The following RYR2 variants were observed in gnomAD, a reference collection of about 807,000 sequenced individuals.
The protein encoded by RYR2 is cardiac muscle ryanodine receptor-calcium release channel.
In RYR2, 227 loss-of-function variants were observed where a neutral mutation model predicts 601.1. The ratio of observed to expected loss-of-function variants is 0.38; its 90% CI spans 0.34 to 0.42. RYR2 has a LOEUF of 0.42. Ranked by LOEUF, RYR2 falls within the 10% of genes least tolerant of loss-of-function variation. RYR2 has a pLI of 1.00. For missense variants in RYR2, 4,646 were observed against 6,156.5 expected, an observed-to-expected ratio of 0.75 and a Z score of 8.21; for synonymous variants, 2,223 against 2,175.1, an observed-to-expected ratio of 1.02 and a Z score of -0.61.
chr1:237,674,027 T>C (rs964238176), intron 58 of RYR2, 69 bp from the exon 59 acceptor site: 7 of 1,270,420 alleles, frequency 5.5e-6, no homozygotes, highest in African/African-American at 3.0e-5. Flanking sequence ...GGTCCAATTA[T>C]ATATCTGTGT....
chr1:237,273,568 G>A (rs1437761048), intron 2 of RYR2, among the ~76,000 whole-genome samples: 1 of 152,050 alleles, frequency 6.6e-6, no homozygotes, highest in Non-Finnish European at 1.5e-5. Context: ...AGTGTCTTAT[G>A]GAATGGCTCT....
At chr1:237,133,529 C>A (rs77819396) in intron 1 of RYR2, among the ~76,000 whole-genome samples, 1,853 of 152,222 alleles carry the variant, frequency 0.012, 40 homozygotes, top group African/African-American at 0.043. Context: ...TTTGGAATGT[C>A]TTTATTGTAA....
chr1:237,564,647 G>A (rs530819335), intron 27 of RYR2, among the ~76,000 whole-genome samples: 15 of 152,056 alleles, frequency 9.9e-5, no homozygotes, highest in Admixed American at 3.3e-4. Flanking sequence ...TCAAAACAAC[G>A]TTTACGATCC....
At chr1:237,737,972 C>T (rs1691293276) in intron 79 of RYR2, among the ~76,000 whole-genome samples, 1 of 152,100 alleles carries the variant, frequency 6.6e-6, no homozygotes, top group Non-Finnish European at 1.5e-5. Flanking sequence ...TTATTAATAT[C>T]GAACTTCCTA....
chr1:237,341,629 C>A (rs758416488), intron 3 of RYR2: 2 of 516,178 alleles, frequency 3.9e-6, no homozygotes, highest in Non-Finnish European at 7.7e-6. Flanking sequence ...CAAGACAATG[C>A]ATGTTATGTA....
In RYR2 at chr1:237,221,095, C is replaced by CA. The variant is rs568681982; in HGVS notation, c.49-49395dup. Among the ~76,000 whole-genome samples the CA allele has an allele frequency of 1.6e-3, 248 of 151,828 alleles. 3 individuals carry two copies. The highest frequency in any genetic ancestry group is 5.7e-3 in the African/African-American group (238 of 41,402). On this transcript the variant is annotated intron_variant, in intron 1 of 104. Coordinates refer to ENST00000366574, the MANE Select transcript of RYR2 (RefSeq NM_001035.3). The stretch of plus-strand genomic sequence containing the variant: ...TGGGTGACAGAGTGAGATTCTGTCT[C>CA]AAAAAAACCCCCCAAAACAAAACAA...
chr1:237,301,904 T>C (rs1693386419), intron 2 of RYR2, among the ~76,000 whole-genome samples: 1 of 152,178 alleles, frequency 6.6e-6, no homozygotes, highest in Admixed American at 6.5e-5. Context: ...AAAGTGCGTG[T>C]GATAAAACCA....
intron 1 of RYR2, among the ~76,000 whole-genome samples, chr1:237,133,068 G>A (rs902778985): frequency 6.6e-5 from 10 of 152,138 alleles, no homozygotes; most frequent in African/African-American, 2.2e-4. Context: ...AAGAAGTGAG[G>A]ACTTCAGAGG....
chr1:237,398,313 C>T (rs750070264), intron 10 of RYR2, among the ~76,000 whole-genome samples: 10 of 151,952 alleles, frequency 6.6e-5, no homozygotes, highest in Non-Finnish European at 1.2e-4. Context: ...TAAAAATCCA[C>T]GTGGAGAGGG....
At chr1:237,652,511 T>G (rs1226850929) in intron 51 of RYR2, among the ~76,000 whole-genome samples, 1 of 152,128 alleles carries the variant, frequency 6.6e-6, no homozygotes, top group African/African-American at 2.4e-5. Flanking sequence ...TGAAGAAGTA[T>G]GAGATATAAA....
intron 54 of RYR2, 112 bp from the exon 55 acceptor site, chr1:237,659,872 AC>A (rs1175782275): frequency 1.7e-6 from 1 of 572,812 alleles, no homozygotes; most frequent in Non-Finnish European, 3.0e-6. Context: ...CTTAACCCTT[AC>A]CTTAGTTCAT....
In RYR2 at chr1:237,687,466, A is replaced by G; in HGVS notation, c.9029A>G (p.Lys3010Arg). The G allele has an allele frequency of 6.2e-7, 1 of 1,602,008 alleles. No individual in the cohort carries two copies. Among genetic ancestry groups the G allele is most frequent in the East Asian group, 2.2e-5 (1 of 44,626 alleles). The change falls in exon 63 of 105, where the codon AAA becomes AGA. Residue 3010 changes from lysine (K) to arginine (R), a missense_variant. Lys to Arg is a conservative substitution (Grantham distance 26). Around this residue, in one of 17 missense-constraint regions of RYR2, gnomAD observed 1,497 missense variants for 1,842.6 expected, o/e 0.81. Transcript: ENST00000366574. ...EKEMVTSLFC[K>R]LGVLVRHRIS... ...TCTTTTGTCTTCAGCCTATTCTGCA[A>G]ACTTGGAGTTCTTGTCAGGCATAGG...
intron 17 of RYR2, among the ~76,000 whole-genome samples, chr1:237,490,270 A>G (rs1216664650): frequency 1.3e-5 from 2 of 152,194 alleles, no homozygotes; most frequent in Non-Finnish European, 2.9e-5. Flanking sequence ...TGTACTGCAA[A>G]CCTCAGCATT....
rs147512481 is a variant in RYR2 at position 237,717,255 on chromosome 1, A to G, written c.10381A>G (p.Met3461Val). Reference sequence around the variant, plus strand: ...GAAGCGCAAAGGAGATCGGTATTCCATGCAGACCTCTCTGATTGTAGCAGC... The same window carrying G: ...GAAGCGCAAAGGAGATCGGTATTCCGTGCAGACCTCTCTGATTGTAGCAGC... The part of the protein sequence containing the change: ...KMKRKGDRYS[M>V]QTSLIVAALK... Residue 3461 changes from methionine (M) to valine (V), a missense_variant, in exon 72 of 105, where the codon ATG becomes GTG. By Grantham distance (21) the Met-to-Val change is conservative. Coordinates refer to ENST00000366574, the MANE Select transcript of RYR2 (RefSeq NM_001035.3). 132 of 1,613,760 alleles carry G rather than the reference A, an allele frequency of 8.2e-5. No homozygotes were observed. The African/African-American group carries it at 1.5e-3, about 18-fold the overall frequency.
chr1:237,227,738 G>A (rs557101650), intron 1 of RYR2, among the ~76,000 whole-genome samples: 69 of 152,282 alleles, frequency 4.5e-4, no homozygotes, highest in East Asian at 3.5e-3. Context: ...TGCCCAGGGC[G>A]GGTTCTTGCC....
At chr1:237,111,638 A>G (rs943271237) in intron 1 of RYR2, among the ~76,000 whole-genome samples, 1 of 151,108 alleles carries the variant, frequency 6.6e-6, no homozygotes, top group African/African-American at 2.4e-5. Context: ...CTGAGTGTGA[A>G]GTGTGCTTCA....
At chr1:237,607,847 T>A (rs1677317211) in intron 35 of RYR2, among the ~76,000 whole-genome samples, 1 of 152,192 alleles carries the variant, frequency 6.6e-6, no homozygotes, top group Admixed American at 6.5e-5. Context: ...TTGGACATCT[T>A]TCTTAAATTA....
At chr1:237,086,155 A>G (rs557011007) in intron 1 of RYR2, among the ~76,000 whole-genome samples, 1 of 152,362 alleles carries the variant, frequency 6.6e-6, no homozygotes, top group Admixed American at 6.5e-5. Flanking sequence ...CTTAAACAAC[A>G]GACATTTATT....
chr1:237,655,794 T>A (rs556811042), intron 52 of RYR2, 27 bp from the exon 53 acceptor site: 15 of 1,554,304 alleles, frequency 9.7e-6, no homozygotes, highest in Non-Finnish European at 1.3e-5. Flanking sequence ...ATAGTAATTT[T>A]TTTTTTTGGT....
Sources: allele counts gnomAD v4.1 joint callset (sites outside exome capture counted in the v4.1 genomes callset), GRCh38; gene constraint gnomAD v4.1.1; regional missense constraint gnomAD v4.1.1; transcripts MANE v1.5; gene names NCBI Gene and HGNC (gene_info 2026-07-23, HGNC 2026-07-21).